The following XKR4 variants were observed in gnomAD, a reference collection of about 807,000 sequenced individuals.
XKR4 encodes XK related 4, also known as XK-related protein 4.
A neutral mutation model predicts 53.9 loss-of-function variants in XKR4; 12 were observed. That is an observed-to-expected ratio of 0.22 (90% confidence interval 0.14 to 0.36). The LOEUF is 0.36. XKR4 is among the 10% of genes least tolerant of loss of function. The probability of loss-of-function intolerance (pLI) is 1.00; values close to 1 mark genes in which losing one functional copy is unlikely to be tolerated. For missense variants in XKR4, 799 were observed against 859.5 expected (o/e 0.93, Z 0.88); for synonymous variants, 354 against 362.4 (o/e 0.98, Z 0.26).
intron 1 of XKR4, among the ~76,000 whole-genome samples, chr8:55,191,280 A>G (rs972016605): frequency 6.6e-6 from 1 of 152,124 alleles, no homozygotes; most frequent in Non-Finnish European, 1.5e-5. Context: ...AAATCGTGCA[A>G]CCATCTTGAA....
intron 1 of XKR4, among the ~76,000 whole-genome samples, chr8:55,175,256 T>A (rs1476351556): frequency 6.6e-6 from 1 of 152,204 alleles, no homozygotes; most frequent in Non-Finnish European, 1.5e-5. Flanking sequence ...AAAGATATTT[T>A]AATGAGAAGC....
At chr8:55,112,341 A>G (rs571087891) in intron 1 of XKR4, among the ~76,000 whole-genome samples, 32 of 152,238 alleles carry the variant, frequency 2.1e-4, no homozygotes, top group African/African-American at 7.7e-4. Context: ...ATGCACATAT[A>G]GAAGTAGGAT....
chr8:55,125,368 G>A (rs1816450891), intron 1 of XKR4, among the ~76,000 whole-genome samples: 1 of 152,200 alleles, frequency 6.6e-6, no homozygotes, highest in South Asian at 2.1e-4. Flanking sequence ...CCGAGTAGCT[G>A]GGATTACAGG....
At chr8:55,134,956 T>A (rs1816604041) in intron 1 of XKR4, among the ~76,000 whole-genome samples, 1 of 152,218 alleles carries the variant, frequency 6.6e-6, no homozygotes, top group South Asian at 2.1e-4. Flanking sequence ...GCTGGATTTT[T>A]TTTTTTTTAG....
chr8:55,340,891 CAT>C (rs1369792779), intron 1 of XKR4, among the ~76,000 whole-genome samples: 1 of 152,182 alleles, frequency 6.6e-6, no homozygotes, highest in Non-Finnish European at 1.5e-5. Flanking sequence ...ATGGGTCACA[CAT>C]GTGTCACCGC....
chr8:55,477,230 C>T lies in XKR4; in HGVS notation c.1007-46051C>T, dbSNP rs1325512615. ...ACGAGGCAGCAGCATTTGCAGTTCACCAAGATCCGCTGTCCTACAGCCACC... is the reference window on the plus strand; with the variant it reads ...ACGAGGCAGCAGCATTTGCAGTTCATCAAGATCCGCTGTCCTACAGCCACC... On this transcript the variant is annotated intron_variant, in intron 2 of 2. Coordinates refer to ENST00000327381, the MANE Select transcript of XKR4 (RefSeq NM_052898.2). Among the ~76,000 whole-genome samples, 4 of 152,216 alleles carry T rather than the reference C, an allele frequency of 2.6e-5. No individual in the cohort carries two copies. The South Asian group carries it at 8.3e-4, about 32-fold the overall frequency.
At chr8:55,115,998 T>G (rs1816301153) in intron 1 of XKR4, among the ~76,000 whole-genome samples, 1 of 152,166 alleles carries the variant, frequency 6.6e-6, no homozygotes, top group Non-Finnish European at 1.5e-5. Flanking sequence ...AACCATTGGC[T>G]TCAGAGTAAC....
chr8:55,206,347 G>A (rs1817650603), intron 1 of XKR4, among the ~76,000 whole-genome samples: 1 of 152,066 alleles, frequency 6.6e-6, no homozygotes, highest in South Asian at 2.1e-4. Context: ...CTGTTAGCTG[G>A]ACACAGAGTG....
chr8:55,200,137 T>C (rs1817560663), intron 1 of XKR4, among the ~76,000 whole-genome samples: 1 of 152,194 alleles, frequency 6.6e-6, no homozygotes, highest in African/African-American at 2.4e-5. Flanking sequence ...CAATCTCGGC[T>C]CACAGCTGCA....
Position 55,523,522 on chromosome 8 carries a change from C to T in XKR4, c.1248C>T (p.Ile416=), listed in dbSNP as rs1173108291. ...ACTGGTGCATCATGACCTTCTGGAT[C>T]GTCCACTGTGAGACAGAATTCTGTA... ...VLHWCIMTFW[I]VHCETEFCIT... Residue 416 remains isoleucine (I), a synonymous_variant, in exon 3 of 3, where the codon ATC becomes ATT. Coordinates refer to ENST00000327381, the MANE Select transcript of XKR4 (RefSeq NM_052898.2). The T allele has an allele frequency of 1.4e-5, 22 of 1,614,044 alleles. No homozygotes were observed. The highest frequency in any genetic ancestry group is 1.8e-5 in the Non-Finnish European group (21 of 1,180,038).
chr8:55,246,143 G>C (rs1818283796), intron 1 of XKR4, among the ~76,000 whole-genome samples: 1 of 152,104 alleles, frequency 6.6e-6, no homozygotes, highest in Admixed American at 6.6e-5. Context: ...TTTATTTAGG[G>C]ATGGTGCCTA....
chr8:55,397,145 GA>G (rs2129389400), intron 2 of XKR4, among the ~76,000 whole-genome samples: 1 of 152,270 alleles, frequency 6.6e-6, no homozygotes, highest in African/African-American at 2.4e-5. Context: ...TAACTCAAAA[GA>G]AAATTAACTT....
intron 2 of XKR4, chr8:55,451,156 CG>C: frequency 1.9e-6 from 1 of 528,172 alleles, no homozygotes; most frequent in South Asian, 2.1e-5. Flanking sequence ...AAGCCCGGGT[CG>C]GGGGCCGGGG....
rs761061735 is a variant in XKR4 at position 55,523,970 on chromosome 8, C to A, written c.1696C>A (p.Arg566=). The change falls in exon 3 of 3, where the codon CGG becomes AGG. Residue 566 remains arginine (R), a synonymous_variant. Transcript: ENST00000327381. The part of the protein sequence containing the change: ...VSDRDQKFAE[R]DGCVPVFQVR... ...CGACCGCGATCAGAAATTCGCAGAGCGGGATGGGTGTGTACCTGTCTTTCA... is the reference window on the plus strand; with the variant it reads ...CGACCGCGATCAGAAATTCGCAGAGAGGGATGGGTGTGTACCTGTCTTTCA... 4 of 1,614,150 alleles carry A rather than the reference C, an allele frequency of 2.5e-6. No homozygotes were observed. The highest frequency in any genetic ancestry group is 3.4e-6 in the Non-Finnish European group (4 of 1,180,022).
At chr8:55,477,472 A>C (rs1189454296) in intron 2 of XKR4, among the ~76,000 whole-genome samples, 2 of 152,124 alleles carry the variant, frequency 1.3e-5, no homozygotes, top group Non-Finnish European at 2.9e-5. Flanking sequence ...AGAGCAGAAA[A>C]ACTGGAAACT....
chr8:55,204,791 A>G (rs1310907766), intron 1 of XKR4, among the ~76,000 whole-genome samples: 1 of 152,228 alleles, frequency 6.6e-6, no homozygotes, highest in Non-Finnish European at 1.5e-5. Context: ...GTAAAAGTAC[A>G]TTTTCTATAC....
chr8:55,235,709 G>A (rs925823248), intron 1 of XKR4, among the ~76,000 whole-genome samples: 2 of 152,102 alleles, frequency 1.3e-5, no homozygotes, highest in South Asian at 2.1e-4. Flanking sequence ...TGAAGGCAAA[G>A]CTTGGCATGA....
intron 1 of XKR4, among the ~76,000 whole-genome samples, chr8:55,324,975 A>G (rs1371561470): frequency 2.0e-5 from 3 of 151,468 alleles, no homozygotes; most frequent in South Asian, 4.2e-4. Context: ...TGTTTAATGT[A>G]TATCTAATTC....
chr8:55,305,114 C>A (rs1015221751), intron 1 of XKR4, among the ~76,000 whole-genome samples: 2 of 152,124 alleles, frequency 1.3e-5, no homozygotes, highest in African/African-American at 4.8e-5. Flanking sequence ...GTCTAGAACC[C>A]ACTGTTCTGT....
Sources: allele counts gnomAD v4.1 joint callset (sites outside exome capture counted in the v4.1 genomes callset), GRCh38; gene constraint gnomAD v4.1.1; transcripts MANE v1.5; gene names NCBI Gene and HGNC (gene_info 2026-07-23, HGNC 2026-07-21).